Variants in AGAP1 observed in about 807,000 individuals in gnomAD.
AGAP1 encodes the protein ArfGAP with GTPase domain, ankyrin repeat and PH domain 1.
Under a neutral mutation model 105.3 loss-of-function variants are expected in AGAP1, and 29 were observed. The observed-to-expected ratio is 0.28, with a 90% CI of 0.21 to 0.38. The LOEUF (loss-of-function observed/expected upper bound fraction) is 0.38. Among genes scored for constraint, AGAP1 ranks in the 10% least tolerant of loss-of-function variants. The pLI is 1.00. For missense variants in AGAP1, 998 were observed against 1,165.1 expected (o/e 0.86, Z 2.09); for synonymous variants, 509 against 485.9 (o/e 1.05, Z -0.63).
In AGAP1 at chr2:235,723,800, T is replaced by TGGTTGGTTGGTTGGTC. The variant is rs559644420; in HGVS notation, c.310+6159_310+6160insTGGTTGGTTGGTCGGT. Among the ~76,000 whole-genome samples, 7 of 150,990 alleles carry TGGTTGGTTGGTTGGTC rather than the reference T, an allele frequency of 4.6e-5. No homozygotes were observed. The highest frequency in any genetic ancestry group is 1.5e-4 in the African/African-American group (6 of 40,724). On this transcript the variant is annotated intron_variant, in intron 3 of 17. Transcript: ENST00000304032. This position sits in a 1 kb window ranked among gnomAD's most constrained non-coding sequence, Gnocchi z 6.2. ...TTGGTTGGTTGGTTGGTTGGTTGGT[T>TGGTTGGTTGGTTGGTC]GGTCGATCGACAGAGACTTAAGAAT...
At chr2:235,605,684 C>T (rs1449371673) in intron 1 of AGAP1, among the ~76,000 whole-genome samples, 2 of 152,226 alleles carry the variant, frequency 1.3e-5, no homozygotes, top group Non-Finnish European at 2.9e-5. Context: ...CCATCAGAAA[C>T]AGGGAGGTCT....
chr2:235,987,067 TGGTA>T (rs957126308), intron 13 of AGAP1, among the ~76,000 whole-genome samples: 3 of 152,172 alleles, frequency 2.0e-5, no homozygotes, highest in Non-Finnish European at 4.4e-5. Flanking sequence ...TTTGTATTTC[TGGTA>T]GAATTCAGCT....
rs890695393 is a variant in AGAP1 at position 235,569,230 on chromosome 2, G to A, written c.163+74381G>A. On this transcript the variant is annotated intron_variant, in intron 1 of 17. Coordinates refer to ENST00000304032, the MANE Select transcript of AGAP1 (RefSeq NM_001037131.3). This position sits in a 1 kb window ranked among gnomAD's most constrained non-coding sequence, Gnocchi z 5.9. ...CTTGGGAGGCTGAGGCAGGAGAATC[G>A]CTTGAACCCAGGAGGCGGAGGTTGT... 2.0e-5 allele frequency among the ~76,000 whole-genome samples: 3 copies of A among 152,222 alleles called. No individual in the cohort carries two copies. Among genetic ancestry groups the A allele is most frequent in the South Asian group, 2.1e-4 (1 of 4,822 alleles).
At position 236,045,401 on chromosome 2, in the gene AGAP1, G is replaced by A. The variant is rs2057687881; in HGVS notation, c.1892-3658G>A. On this transcript the variant is annotated intron_variant, in intron 15 of 17. Coordinates refer to ENST00000304032, the MANE Select transcript of AGAP1 (RefSeq NM_001037131.3). This position sits in a 1 kb window ranked among gnomAD's most constrained non-coding sequence, Gnocchi z 6.9. The stretch of plus-strand genomic sequence containing the variant: ...AACACCTAACACTGTACTTCCCGTG[G>A]GGCAGTCACTGCTCTAAGTGCCTCG... Among the ~76,000 whole-genome samples, 2 of 152,316 alleles carry A rather than the reference G, an allele frequency of 1.3e-5. No homozygotes were observed. The highest frequency in any genetic ancestry group is 2.4e-5 in the African/African-American group (1 of 41,562).
rs996220217 is a variant in AGAP1 at position 236,061,661 on chromosome 2, A to G, written c.2114+12380A>G. The stretch of plus-strand genomic sequence containing the variant: ...TGGCGAAAACAGGCACCTCCATAGT[A>G]ATGCAAAGTAGATTCCTGCTTGCCA... On this transcript the variant is annotated intron_variant, in intron 16 of 17. Transcript: ENST00000304032. The surrounding 1 kb of genome is among the most constrained non-coding windows in gnomAD (Gnocchi z 4.1). Among the ~76,000 whole-genome samples the G allele has an allele frequency of 3.3e-5, 5 of 152,098 alleles. No homozygotes were observed.
In AGAP1 at chr2:235,751,135, C is replaced by T. The variant is rs1216117207; in HGVS notation, c.673+647C>T. ...GTCACATACTTGTGGATGATCATAG[C>T]GCCAGACGTCGTCTATGAGAGAGGA... On this transcript the variant is annotated intron_variant, in intron 6 of 17. Transcript: ENST00000304032. The surrounding 1 kb of genome is among the most constrained non-coding windows in gnomAD (Gnocchi z 5.3). 1.3e-5 allele frequency among the ~76,000 whole-genome samples: 2 copies of T among 152,048 alleles called. No homozygotes were observed.
chr2:235,815,238 A>G (rs902304201), intron 9 of AGAP1, among the ~76,000 whole-genome samples: 1 of 152,162 alleles, frequency 6.6e-6, no homozygotes, highest in African/African-American at 2.4e-5. Context: ...AAACAGCACA[A>G]GTTGATCTCT....
rs1242293773 is a variant in AGAP1, at chr2:235,747,982, A to C, written c.539-2372A>C. Among the ~76,000 whole-genome samples the C allele has an allele frequency of 6.6e-6, 1 of 152,268 alleles. No individual in the cohort carries two copies. Among genetic ancestry groups the C allele is most frequent in the Non-Finnish European group, 1.5e-5 (1 of 68,048 alleles). The stretch of plus-strand genomic sequence containing the variant: ...CTGCCAGCAGGAGCTCTTTCTGGGC[A>C]GTAGCCAAGGACTGCACGAATGTTC... On this transcript the variant is annotated intron_variant, in intron 5 of 17. Coordinates refer to ENST00000304032, the MANE Select transcript of AGAP1 (RefSeq NM_001037131.3). This position sits in a 1 kb window ranked among gnomAD's most constrained non-coding sequence, Gnocchi z 5.0.
intron 11 of AGAP1, among the ~76,000 whole-genome samples, chr2:235,914,514 G>T (rs2051776982): frequency 6.6e-6 from 1 of 152,158 alleles, no homozygotes; most frequent in Non-Finnish European, 1.5e-5. Flanking sequence ...GCTCGGGGGT[G>T]GGGTATTCCT....
At position 235,963,919 on chromosome 2, in the gene AGAP1, T is replaced by C. The variant is rs779725885; in HGVS notation, c.1484-4543T>C. On this transcript the variant is annotated intron_variant, in intron 12 of 17. Coordinates refer to ENST00000304032, the MANE Select transcript of AGAP1 (RefSeq NM_001037131.3). This position sits in a 1 kb window ranked among gnomAD's most constrained non-coding sequence, Gnocchi z 5.1. Reference sequence around the variant, plus strand: ...GACGGCATAGCTAATGTGTGTGTTCTGAGTGTCTTCGAAATAGCGGTGTAC... The same window carrying C: ...GACGGCATAGCTAATGTGTGTGTTCCGAGTGTCTTCGAAATAGCGGTGTAC... 2.6e-5 allele frequency among the ~76,000 whole-genome samples: 4 copies of C among 151,510 alleles called. No homozygotes were observed. Among genetic ancestry groups the C allele is most frequent in the Non-Finnish European group, 4.4e-5 (3 of 68,030 alleles).
chr2:235,782,075 T>C (rs1956297290), intron 6 of AGAP1, among the ~76,000 whole-genome samples: 1 of 152,204 alleles, frequency 6.6e-6, no homozygotes, highest in South Asian at 2.1e-4. Context: ...TAACTCTTCA[T>C]TTCAGAAGGA....
Position 235,575,702 on chromosome 2 carries a change from A to G in AGAP1, c.163+80853A>G, listed in dbSNP as rs530885549. ...CTGCCGTAGGGAAAGGTGTGAACGCACAGGTTTGCATGCCTAAAATTATAA... is the reference window on the plus strand; with the variant it reads ...CTGCCGTAGGGAAAGGTGTGAACGCGCAGGTTTGCATGCCTAAAATTATAA... On this transcript the variant is annotated intron_variant, in intron 1 of 17. Coordinates refer to ENST00000304032, the MANE Select transcript of AGAP1 (RefSeq NM_001037131.3). 2.6e-5 allele frequency among the ~76,000 whole-genome samples: 4 copies of G among 152,346 alleles called. No individual in the cohort carries two copies. The East Asian group carries it at 7.7e-4, about 29-fold the overall frequency.
rs571593318 is a variant in AGAP1, at chr2:235,961,921, T to A, written c.1484-6541T>A. On this transcript the variant is annotated intron_variant, in intron 12 of 17. Transcript: ENST00000304032. This position sits in a 1 kb window ranked among gnomAD's most constrained non-coding sequence, Gnocchi z 5.9. ...CTCATGTTTAGTGCCGGGTGCTGGG[T>A]GAGCGAGGGTGGGTGAGCATCCATT... 6.6e-6 allele frequency among the ~76,000 whole-genome samples: 1 copy of A among 152,038 alleles called. No homozygotes were observed. Among genetic ancestry groups the A allele is most frequent in the South Asian group, 2.1e-4 (1 of 4,800 alleles).
rs1346008352 is a variant in AGAP1 at position 235,968,601 on chromosome 2, C to T, written c.1623C>T (p.Asp541=). 8.7e-6 allele frequency: 14 copies of T among 1,605,058 alleles called. No homozygotes were observed. The highest frequency in any genetic ancestry group is 6.8e-5 in the East Asian group (3 of 44,230). Residue 541 remains aspartate (D), a synonymous_variant, in exon 13 of 18, where the codon GAC becomes GAT. Transcript: ENST00000304032. ...RKKSTSNFKA[D]GLSGTAEEQE... ...AAAGCACTAGCAACTTCAAAGCCGACGGCCTGTCCGGCACTGCTGAAGGTA... is the reference window on the plus strand; with the variant it reads ...AAAGCACTAGCAACTTCAAAGCCGATGGCCTGTCCGGCACTGCTGAAGGTA...
rs1413609471 is a variant in AGAP1, at chr2:235,586,085, CAA to C, written c.163+91237_163+91238del. Among the ~76,000 whole-genome samples, 9 of 151,960 alleles carry C rather than the reference CAA, an allele frequency of 5.9e-5. No individual in the cohort carries two copies. Among genetic ancestry groups the C allele is most frequent in the African/African-American group, 1.9e-4 (8 of 41,362 alleles). On this transcript the variant is annotated intron_variant, in intron 1 of 17. Transcript: ENST00000304032. The surrounding 1 kb of genome is among the most constrained non-coding windows in gnomAD (Gnocchi z 4.2). ...AGGAGCTTCATGAGCGAGTCAAATG[CAA>C]GTTGGGGAAGTGGCTGAAAAAAATG... is the stretch of plus-strand genomic sequence containing the variant.
In AGAP1 at chr2:235,959,686, T is replaced by C. The variant is rs1338147639; in HGVS notation, c.1484-8776T>C. Among the ~76,000 whole-genome samples, 2 of 152,004 alleles carry C rather than the reference T, an allele frequency of 1.3e-5. No homozygotes were observed. Among genetic ancestry groups the C allele is most frequent in the Non-Finnish European group, 2.9e-5 (2 of 68,006 alleles). ...CCTAATTCACCCCGCCATCACCTTCTCAGCACCATGATGGCCACTCCCTCG... is the reference window on the plus strand; with the variant it reads ...CCTAATTCACCCCGCCATCACCTTCCCAGCACCATGATGGCCACTCCCTCG... On this transcript the variant is annotated intron_variant, in intron 12 of 17. Transcript: ENST00000304032. The surrounding 1 kb of genome is among the most constrained non-coding windows in gnomAD (Gnocchi z 7.3).
chr2:235,696,399 CAG>C (rs1166847480), intron 1 of AGAP1, among the ~76,000 whole-genome samples: 3 of 152,302 alleles, frequency 2.0e-5, no homozygotes, highest in Admixed American at 6.5e-5. Context: ...GCATCAGTGA[CAG>C]GGGAACCAAG....
intron 9 of AGAP1, among the ~76,000 whole-genome samples, chr2:235,868,077 C>G (rs567843952): frequency 1.1e-4 from 16 of 152,248 alleles, no homozygotes; most frequent in African/African-American, 3.9e-4. Flanking sequence ...TATTTTAGAA[C>G]TTCATAGAAA....
chr2:235,630,395 G>A (rs1946788548), intron 1 of AGAP1, among the ~76,000 whole-genome samples: 1 of 152,074 alleles, frequency 6.6e-6, no homozygotes, highest in South Asian at 2.1e-4. Flanking sequence ...ATTTTTAATA[G>A]AGACAGGGTT....
Sources: allele counts gnomAD v4.1 joint callset (sites outside exome capture counted in the v4.1 genomes callset), GRCh38; gene constraint gnomAD v4.1.1; non-coding constraint Gnocchi (gnomAD v3.1); transcripts MANE v1.5; gene names NCBI Gene and HGNC (gene_info 2026-07-23, HGNC 2026-07-21).